Variants in FYN observed in about 807,000 individuals in gnomAD.
The protein encoded by FYN is FYN proto-oncogene, Src family tyrosine kinase.
In FYN, 10 loss-of-function variants were observed where a neutral mutation model predicts 70.2. The observed-to-expected ratio is 0.14, with a 90% CI of 0.09 to 0.24. FYN has a LOEUF of 0.24. FYN is among the 10% of genes least tolerant of loss of function. The pLI, the probability that FYN is intolerant of heterozygous loss-of-function variation, is 1.00. For synonymous variants in FYN, 236 were observed against 248.6 expected (o/e 0.95, Z 0.48); for missense variants, 319 against 673.1 (o/e 0.47, Z 5.82).
rs1290061149 is a variant in FYN, at chr6:111,674,433, G to A, written c.1405+66C>T. On this transcript the variant is annotated intron_variant, in intron 13 of 13. Coordinates refer to ENST00000354650, the MANE Select transcript of FYN (RefSeq NM_002037.5). Reference sequence around the variant, plus strand: ...GGGCTTAGAAAGCAAAGTGGATGAAGTTTTCCCAAATGGTGTCAAAAAAGC... The same window carrying A: ...GGGCTTAGAAAGCAAAGTGGATGAAATTTTCCCAAATGGTGTCAAAAAAGC... The A allele has an allele frequency of 5.9e-6, 9 of 1,533,300 alleles. No homozygotes were observed. In the Admixed American group the frequency reaches 1.3e-4, roughly 23 times the overall value. 95.0% of individuals were successfully genotyped at this position (1,533,300 alleles called of 1,614,324 possible).
chr6:111,732,232 T>C (rs918171166), intron 3 of FYN, among the ~76,000 whole-genome samples: 14 of 152,220 alleles, frequency 9.2e-5, no homozygotes, highest in African/African-American at 3.1e-4. Flanking sequence ...AAAGTTATGG[T>C]GAAGCAATTT....
Position 111,702,931 on chromosome 6 carries a change from G to A in FYN, c.651C>T (p.Thr217=). 1 of 1,614,064 alleles carries A rather than the reference G, an allele frequency of 6.2e-7. No individual in the cohort carries two copies. The highest frequency in any genetic ancestry group is 2.2e-5 in the East Asian group (1 of 44,878). Residue 217 remains threonine, a synonymous_variant, in exon 8 of 14, where the codon ACC becomes ACT. Transcript: ENST00000354650. ...KLDNGGYYIT[T]RAQFETLQQL... Reference sequence around the variant, plus strand: ...GCTGAAGTGTTTCAAACTGGGCCCGGGTGGTAATGTAGTATCCACCATTGT... The same window carrying A: ...GCTGAAGTGTTTCAAACTGGGCCCGAGTGGTAATGTAGTATCCACCATTGT...
At chr6:111,675,105 G>C (rs1583291715) in intron 12 of FYN, among the ~76,000 whole-genome samples, 1 of 152,116 alleles carries the variant, frequency 6.6e-6, no homozygotes, top group Middle Eastern at 3.4e-3. Context: ...ATTTCCCAAA[G>C]GCCTCCCACA....
rs140299987 is a variant in FYN at position 111,868,628 on chromosome 6, C to T, written c.-123+4340G>A. Among the ~76,000 whole-genome samples, 919 of 152,272 alleles carry T rather than the reference C, an allele frequency of 6.0e-3. 8 individuals carry two copies. The highest frequency in any genetic ancestry group is 0.017 in the Admixed American group (265 of 15,302). On this transcript the variant is annotated intron_variant, in intron 1 of 13. Coordinates refer to ENST00000354650, the MANE Select transcript of FYN (RefSeq NM_002037.5). Reference sequence around the variant, plus strand: ...ATTTCAGTCACCCTCCCTTATGGCACATAACGTATTTTAATATCATCATTA... The same window carrying T: ...ATTTCAGTCACCCTCCCTTATGGCATATAACGTATTTTAATATCATCATTA...
At chr6:111,843,059 T>C (rs1773412763) in intron 2 of FYN, among the ~76,000 whole-genome samples, 1 of 152,244 alleles carries the variant, frequency 6.6e-6, no homozygotes, top group Non-Finnish European at 1.5e-5. Flanking sequence ...GTGGCCATAT[T>C]TGTGGCCTGA....
chr6:111,794,751 C>T (rs1159401228), intron 2 of FYN, among the ~76,000 whole-genome samples: 1 of 152,206 alleles, frequency 6.6e-6, no homozygotes, highest in African/African-American at 2.4e-5. Context: ...TGCTTTCACA[C>T]ACAACAGCAG....
At chr6:111,669,994 A>G (rs1382907260) in intron 13 of FYN, among the ~76,000 whole-genome samples, 1 of 151,986 alleles carries the variant, frequency 6.6e-6, no homozygotes, top group Non-Finnish European at 1.5e-5. Flanking sequence ...TTGGGCTTTG[A>G]AGGGTTCTGA....
At chr6:111,781,930 C>T (rs118142483) in intron 2 of FYN, among the ~76,000 whole-genome samples, 212 of 152,278 alleles carry the variant, frequency 1.4e-3, no homozygotes, top group Non-Finnish European at 1.9e-3. Context: ...ATATCTATAA[C>T]TATGAAAATA....
chr6:111,788,331 A>T (rs1360347467), intron 2 of FYN, among the ~76,000 whole-genome samples: 1 of 152,228 alleles, frequency 6.6e-6, no homozygotes, highest in African/African-American at 2.4e-5. Context: ...ATTCTGTTGC[A>T]TTCAAAGGGC....
At chr6:111,777,111 C>A (rs1562516945) in intron 3 of FYN, among the ~76,000 whole-genome samples, 1 of 152,196 alleles carries the variant, frequency 6.6e-6, no homozygotes, top group Non-Finnish European at 1.5e-5. Flanking sequence ...AAATACGAGA[C>A]AATCTCTTTG....
At chr6:111,788,148 C>T (rs533925067) in intron 2 of FYN, among the ~76,000 whole-genome samples, 3 of 152,146 alleles carry the variant, frequency 2.0e-5, no homozygotes, top group African/African-American at 7.2e-5. Context: ...TGCCCAGTTC[C>T]CCCACTAGAA....
chr6:111,844,539 C>G (rs1773461365), intron 2 of FYN, among the ~76,000 whole-genome samples: 1 of 152,206 alleles, frequency 6.6e-6, no homozygotes, highest in South Asian at 2.1e-4. Context: ...GCAAACTCCC[C>G]TAAGGCAATG....
chr6:111,839,761 T>C (rs1396035319), intron 2 of FYN, among the ~76,000 whole-genome samples: 1 of 152,174 alleles, frequency 6.6e-6, no homozygotes, highest in Admixed American at 6.5e-5. Context: ...TTTCAGGTAC[T>C]GAAGGGCTCT....
chr6:111,669,652 C>T (rs891434575), intron 13 of FYN, among the ~76,000 whole-genome samples: 2 of 152,022 alleles, frequency 1.3e-5, no homozygotes, highest in Non-Finnish European at 2.9e-5. Context: ...AAATATATAT[C>T]CATGTGTGAA....
chr6:111,744,516 C>T (rs1014984803), intron 3 of FYN, among the ~76,000 whole-genome samples: 10 of 152,200 alleles, frequency 6.6e-5, no homozygotes, highest in Admixed American at 2.0e-4. Flanking sequence ...TGCTGGAGAT[C>T]GGAAGTGCTT....
chr6:111,847,998 C>A (rs899160801), intron 1 of FYN, among the ~76,000 whole-genome samples: 5 of 152,190 alleles, frequency 3.3e-5, no homozygotes, highest in African/African-American at 1.2e-4. Context: ...GCAATAGATG[C>A]CTTTTCTTTT....
At chr6:111,761,218 T>C (rs904328345) in intron 3 of FYN, among the ~76,000 whole-genome samples, 2 of 152,174 alleles carry the variant, frequency 1.3e-5, no homozygotes, top group Non-Finnish European at 2.9e-5. Flanking sequence ...ACATTCTTTA[T>C]CTGAGTCCAA....
At chr6:111,739,060 C>T (rs1801830111) in intron 3 of FYN, among the ~76,000 whole-genome samples, 1 of 152,144 alleles carries the variant, frequency 6.6e-6, no homozygotes, top group South Asian at 2.1e-4. Context: ...CTAACTCTGT[C>T]CATTGCCATC....
chr6:111,709,064 G>T (rs954791740), intron 5 of FYN: 1 of 152,130 alleles, frequency 6.6e-6, no homozygotes, highest in African/African-American at 2.4e-5. Flanking sequence ...CCACCAGCCT[G>T]CAGTCAACGA....
Sources: allele counts gnomAD v4.1 joint callset (sites outside exome capture counted in the v4.1 genomes callset), GRCh38; gene constraint gnomAD v4.1.1; transcripts MANE v1.5; gene names NCBI Gene and HGNC (gene_info 2026-07-23, HGNC 2026-07-21).